The following CCND2 variants were observed in gnomAD, a reference collection of about 807,000 sequenced individuals.
CCND2 encodes the protein G1/S-specific cyclin-D2.
In CCND2, 6 loss-of-function variants were observed where a neutral mutation model predicts 30.2. That is an observed-to-expected ratio of 0.20 (90% CI 0.11 to 0.39). The LOEUF is 0.39. Among genes scored for constraint, CCND2 ranks in the 10% least tolerant of loss-of-function variants. CCND2 has a pLI of 1.00. For synonymous variants in CCND2, 150 were observed against 153.1 expected (o/e 0.98, Z 0.15); for missense variants, 235 against 373.4 (o/e 0.63, Z 3.06).
intron 3 of CCND2, among the ~76,000 whole-genome samples, chr12:4,283,043 A>G (rs575556584): frequency 3.2e-4 from 49 of 152,300 alleles, no homozygotes; most frequent in African/African-American, 1.1e-3. Flanking sequence ...GCACCCCAAG[A>G]CCTCGGCCAC....
chr12:4,292,963 A>G (rs1012925996), intron 4 of CCND2, among the ~76,000 whole-genome samples: 3 of 152,210 alleles, frequency 2.0e-5, no homozygotes, highest in African/African-American at 7.2e-5. Context: ...AATAAGGCCC[A>G]GCTTTTCCTC....
Position 4,299,649 on chromosome 12 carries a change from T to C in CCND2, c.721-211T>C, listed in dbSNP as rs1864220616. Among the ~76,000 whole-genome samples, 1 of 152,200 alleles carries C rather than the reference T, an allele frequency of 6.6e-6. No individual in the cohort carries two copies. Among genetic ancestry groups the C allele is most frequent in the East Asian group, 1.9e-4 (1 of 5,202 alleles). Reference sequence around the variant, plus strand: ...CTGAGATTCTGCGGTTCCAACAAGCTCGCAGGTGATGCTGATGCTGCCAGC... The same window carrying C: ...CTGAGATTCTGCGGTTCCAACAAGCCCGCAGGTGATGCTGATGCTGCCAGC... On this transcript the variant is annotated intron_variant, in intron 4 of 4. Coordinates refer to ENST00000261254, the MANE Select transcript of CCND2 (RefSeq NM_001759.4). This position sits in a 1 kb window ranked among gnomAD's most constrained non-coding sequence, Gnocchi z 5.2.
At chr12:4,286,517 G>A (rs971474823) in intron 3 of CCND2, among the ~76,000 whole-genome samples, 5 of 152,196 alleles carry the variant, frequency 3.3e-5, no homozygotes, top group Admixed American at 1.3e-4. Context: ...CAGCACGGCC[G>A]CCGTCCTCGT....
chr12:4,283,348 C>T (rs1211043416), intron 3 of CCND2, among the ~76,000 whole-genome samples: 2 of 152,178 alleles, frequency 1.3e-5, no homozygotes, highest in African/African-American at 4.8e-5. Context: ...CTTTGGGGCT[C>T]TTCTCCCACT....
At position 4,273,816 on chromosome 12, in the gene CCND2, G is replaced by C. The variant is rs1863818656; in HGVS notation, c.-225G>C. 3 of 592,614 alleles carry C rather than the reference G, an allele frequency of 5.1e-6. No individual in the cohort carries two copies. Among genetic ancestry groups the C allele is most frequent in the Non-Finnish European group, 9.0e-6 (3 of 333,352 alleles). The allele number at this position is 592,614 out of a possible 1,614,324, so 36.7% of individuals were successfully genotyped here. A position where few individuals can be genotyped will look rare whatever the true frequency, so the allele number is the denominator to read the frequency against. On this transcript the variant is annotated 5_prime_UTR_variant, in exon 1 of 5. Transcript: ENST00000261254. This position sits in a 1 kb window ranked among gnomAD's most constrained non-coding sequence, Gnocchi z 5.9. ...GAGACCAGTTTTAAGGGGAGGACCG[G>C]TGCGAGTGAGGCAGCCCCGAGGCTC...
At chr12:4,291,478 A>C (rs971803933) in intron 4 of CCND2, among the ~76,000 whole-genome samples, 1 of 152,090 alleles carries the variant, frequency 6.6e-6, no homozygotes, top group African/African-American at 2.4e-5. Flanking sequence ...GTTGGGGTGG[A>C]TGGTGGCATC....
chr12:4,290,378 G>T (rs955245237), intron 4 of CCND2, among the ~76,000 whole-genome samples: 2 of 152,232 alleles, frequency 1.3e-5, no homozygotes, highest in Admixed American at 1.3e-4. Context: ...CCTCCCTCCA[G>T]TGCAGCATGA....
rs1864289281 is a variant in CCND2 at position 4,304,390 on chromosome 12, C to T, written c.*4381C>T. The T allele has an allele frequency of 4.3e-6, 1 of 233,690 alleles. No homozygotes were observed. The highest frequency in any genetic ancestry group is 6.0e-5 in the East Asian group (1 of 16,592). The allele number at this position is 233,690 out of a possible 1,614,324, so 14.5% of individuals were successfully genotyped here. On this transcript the variant is annotated 3_prime_UTR_variant, in exon 5 of 5. Transcript: ENST00000261254. The surrounding 1 kb of genome is among the most constrained non-coding windows in gnomAD (Gnocchi z 6.2). ...AAGTCCCCTTAAGCCAACAAACCCTCTGTAGCTATAGAATGAGTGCAGGTT... is the reference window on the plus strand; with the variant it reads ...AAGTCCCCTTAAGCCAACAAACCCTTTGTAGCTATAGAATGAGTGCAGGTT...
At position 4,278,572 on chromosome 12, in the gene CCND2, C is replaced by T. The variant is rs370818389; in HGVS notation, c.412-188C>T. On this transcript the variant is annotated intron_variant, in intron 2 of 4. Transcript: ENST00000261254. ...TTTCAGTGGAGCCTGACATTTGAAG[C>T]ATAAGAAGAGCTGTCAACAACTTCA... 6.5e-5 allele frequency: 32 copies of T among 494,074 alleles called. No homozygotes were observed. The South Asian group carries it at 8.1e-4, about 13-fold the overall frequency. The allele number at this position is 494,074 out of a possible 1,614,324, so 30.6% of individuals were successfully genotyped here. A position where few individuals can be genotyped will look rare whatever the true frequency, so the allele number is the denominator to read the frequency against.
At chr12:4,290,510 A>C (rs1864084815) in intron 4 of CCND2, among the ~76,000 whole-genome samples, 1 of 152,190 alleles carries the variant, frequency 6.6e-6, no homozygotes, top group Non-Finnish European at 1.5e-5. Context: ...TAGGACTCTC[A>C]GCCAGTTTAA....
At chr12:4,280,606 C>A (rs1332619908) in intron 3 of CCND2, among the ~76,000 whole-genome samples, 1 of 151,216 alleles carries the variant, frequency 6.6e-6, no homozygotes, top group Non-Finnish European at 1.5e-5. Context: ...TGGCCCGGGC[C>A]CGAGAGGTCA....
chr12:4,292,603 C>T (rs1864115677), intron 4 of CCND2, among the ~76,000 whole-genome samples: 1 of 152,080 alleles, frequency 6.6e-6, no homozygotes. Context: ...GTCTGGTTGC[C>T]AAAATAAACC....
chr12:4,283,525 C>T (rs143230498), intron 3 of CCND2, among the ~76,000 whole-genome samples: 3 of 152,356 alleles, frequency 2.0e-5, no homozygotes, highest in Non-Finnish European at 4.4e-5. Context: ...CAGATCACTT[C>T]ATCTCCCAAG....
intron 1 of CCND2, chr12:4,275,523 G>T (rs1863859388): frequency 8.9e-6 from 1 of 112,866 alleles, no homozygotes; most frequent in Non-Finnish European, 1.7e-5. Flanking sequence ...CCCCTGGGCC[G>T]CAGGGACCCC....
chr12:4,286,427 GACTA>G (rs985963526), intron 3 of CCND2, among the ~76,000 whole-genome samples: 1 of 152,212 alleles, frequency 6.6e-6, no homozygotes, highest in African/African-American at 2.4e-5. Context: ...CTCAGTATTT[GACTA>G]ACCTGGAGGA....
rs370769101 is a variant in CCND2 at position 4,282,057 on chromosome 12, C to T, written c.571+3138C>T. Among the ~76,000 whole-genome samples, 7 of 152,130 alleles carry T rather than the reference C, an allele frequency of 4.6e-5. No homozygotes were observed. Among genetic ancestry groups the T allele is most frequent in the Admixed American group, 2.0e-4 (3 of 15,284 alleles). On this transcript the variant is annotated intron_variant, in intron 3 of 4. Coordinates refer to ENST00000261254, the MANE Select transcript of CCND2 (RefSeq NM_001759.4). The surrounding 1 kb of genome is among the most constrained non-coding windows in gnomAD (Gnocchi z 4.3). ...ACTGAGCCATAGCTTCCCTGGTTGC[C>T]GCTCTGCTGATAGAACACCCAGGTC...
chr12:4,279,570 G>C (rs1395295614), intron 3 of CCND2, among the ~76,000 whole-genome samples: 3 of 152,106 alleles, frequency 2.0e-5, no homozygotes, highest in Non-Finnish European at 1.5e-5. Flanking sequence ...TTTGGCCGCA[G>C]CCTTTAACGT....
chr12:4,275,460 T>TCCTCCCTCCCCC (rs1863857042), intron 1 of CCND2: 1 of 131,986 alleles, frequency 7.6e-6, no homozygotes, highest in South Asian at 3.0e-4. Context: ...CTTCCTCCTC[T>TCCTCCCTCCCCC]CCTCCCTCCC....
intron 3 of CCND2, among the ~76,000 whole-genome samples, chr12:4,280,179 C>G (rs1446220076): frequency 6.6e-6 from 1 of 152,274 alleles, no homozygotes; most frequent in South Asian, 2.1e-4. Flanking sequence ...TGCACGTGGA[C>G]GTGCTTTGTA....
Sources: gnomAD v4.1 joint callset for allele counts (sites outside exome capture counted in the v4.1 genomes callset) on GRCh38, gnomAD v4.1.1 for gene constraint, Gnocchi (gnomAD v3.1) non-coding constraint, MANE v1.5 for transcripts, NCBI Gene and HGNC (gene_info 2026-07-23, HGNC 2026-07-21) for gene names.